Variants in ABCF1 observed in about 807,000 individuals in gnomAD.
ABCF1 encodes ATP binding cassette subfamily F member 1.
A neutral mutation model predicts 126.3 loss-of-function variants in ABCF1; 73 were observed. That is an observed-to-expected ratio of 0.58 (90% confidence interval 0.48 to 0.70). The LOEUF is 0.70. ABCF1 is among the 30% of genes least tolerant of loss of function. The pLI is 0.00. For synonymous variants in ABCF1, 345 were observed against 396.4 expected (o/e 0.87, Z 1.54); for missense variants, 786 against 1,057.5 (o/e 0.74, Z 3.56).
Position 30,583,667 on chromosome 6 carries a change from C to T in ABCF1, c.975C>T (p.Tyr325=), listed in dbSNP as rs965313691. 2.5e-6 allele frequency: 4 copies of T among 1,613,860 alleles called. No homozygotes were observed. In the African/African-American group the frequency reaches 5.3e-5, roughly 22 times the overall value. ...AGCTGTTCGTCAATGCAGACCTGTA[C>T]ATTGTAGCCGGCCGCCGCTACGGGC... ...GKELFVNADL[Y]IVAGRRYGLV... is the part of the protein sequence containing the mutation. The change falls in exon 11 of 25, where the codon TAC becomes TAT. Residue 325 remains tyrosine, a synonymous_variant. Transcript: ENST00000326195. The surrounding 1 kb of genome is among the most constrained non-coding windows in gnomAD (Gnocchi z 4.1).
In ABCF1 at chr6:30,576,677, C is replaced by T. The variant is rs572194263; in HGVS notation, c.74-732C>T. On this transcript the variant is annotated intron_variant, in intron 1 of 24. Coordinates refer to ENST00000326195, the MANE Select transcript of ABCF1 (RefSeq NM_001025091.2). ...CCACCACCCAGACTACTCTGACAGC[C>T]TCCCCAGTGGATTTCCCACTATGCT... is the stretch of plus-strand genomic sequence containing the variant. 6.6e-5 allele frequency among the ~76,000 whole-genome samples: 10 copies of T among 152,232 alleles called. No homozygotes were observed. The East Asian group carries it at 1.9e-3, about 29-fold the overall frequency.
In ABCF1 at chr6:30,583,521, A is replaced by G. The variant is rs1801938753; in HGVS notation, c.916-87A>G. On this transcript the variant is annotated intron_variant, in intron 10 of 24. Transcript: ENST00000326195. This position sits in a 1 kb window ranked among gnomAD's most constrained non-coding sequence, Gnocchi z 4.1. ...AGCGGTTTGTCAGAGGCTTCCCTGCAGGGAGAAAGTGGCCGCTCCTGTCCC... is the reference window on the plus strand; with the variant it reads ...AGCGGTTTGTCAGAGGCTTCCCTGCGGGGAGAAAGTGGCCGCTCCTGTCCC... 1.3e-5 allele frequency: 18 copies of G among 1,384,688 alleles called. No individual in the cohort carries two copies. The East Asian group carries it at 4.1e-4, about 32-fold the overall frequency. 85.8% of individuals were successfully genotyped at this position (1,384,688 alleles called of 1,614,324 possible). A position where few individuals can be genotyped will look rare whatever the true frequency, so the allele number is the denominator to read the frequency against.
In ABCF1 at chr6:30,584,038, A is replaced by AGG; in HGVS notation, c.1102+151_1103-150dup. On this transcript the variant is annotated intron_variant, in intron 12 of 24. Transcript: ENST00000326195. The surrounding 1 kb of genome is among the most constrained non-coding windows in gnomAD (Gnocchi z 4.6). ...CCGGGAAAGGGATGCTAAGGAAAGGAGGGGAGGGTCAATGAGGAACTTGAG... is the reference window on the plus strand; with the variant it reads ...CCGGGAAAGGGATGCTAAGGAAAGGAGGGGGGAGGGTCAATGAGGAACTTGAG... 1 of 1,388,504 alleles carries AGG rather than the reference A, an allele frequency of 7.2e-7. No homozygotes were observed. The allele number at this position is 1,388,504 out of a possible 1,614,324, so 86.0% of individuals were successfully genotyped here.
chr6:30,585,254 C>T lies in ABCF1; in HGVS notation c.1392-6C>T, dbSNP rs376062358. ...CTGACCCTGCCCTCTGCTACCCACC[C>T]TCTAGGGCACTGTTCATGGAGCCCA... is the stretch of plus-strand genomic sequence containing the variant. On this transcript the variant is annotated splice_region_variant and splice_polypyrimidine_tract_variant and intron_variant, in intron 14 of 24. Coordinates refer to ENST00000326195, the MANE Select transcript of ABCF1 (RefSeq NM_001025091.2). 270 of 1,612,680 alleles carry T rather than the reference C, an allele frequency of 1.7e-4. No homozygotes were observed. Among genetic ancestry groups the T allele is most frequent in the Non-Finnish European group, 2.0e-4 (233 of 1,179,500 alleles).
At chr6:30,590,477 C>G in intron 24 of ABCF1, 58 bp from the exon 25 acceptor site, 3 of 1,580,680 alleles carry the variant, frequency 1.9e-6, no homozygotes, top group Admixed American at 1.8e-5. Flanking sequence ...ATTTCATGTT[C>G]TGATTCCCCT....
At chr6:30,579,855 A>G in intron 6 of ABCF1, 76 bp from the exon 7 acceptor site, 1 of 1,455,330 alleles carries the variant, frequency 6.9e-7, no homozygotes, top group Non-Finnish European at 9.5e-7. Flanking sequence ...TAGACTCTCT[A>G]GAAATGCTTA....
At chr6:30,580,346 CAAAAAAAAA>C in intron 7 of ABCF1, 51 bp from the exon 8 acceptor site, 1 of 732,930 alleles carries the variant, frequency 1.4e-6, no homozygotes, top group Non-Finnish European at 1.8e-6. Flanking sequence ...GACTCCGTCT[CAAAAAAAAA>C]AAAAGAAAAA....
chr6:30,571,598 G>C, intron 1 of ABCF1, 38 bp downstream of exon 1: 1 of 1,590,578 alleles, frequency 6.3e-7, no homozygotes, highest in Middle Eastern at 2.3e-4. Context: ...AGCAGAGGGG[G>C]AAGAGAGAGG....
In ABCF1 at chr6:30,583,733, CA is replaced by C. The variant is rs1191040975; in HGVS notation, c.1016+31del. ...GGTGAGAAGAGGAGGGAGCTGGAGGCAAAAAAGGGCCTGGAGGGAAAAGAAG... is the reference window on the plus strand; with the variant it reads ...GGTGAGAAGAGGAGGGAGCTGGAGGCAAAAAGGGCCTGGAGGGAAAAGAAG... On this transcript the variant is annotated intron_variant, in intron 11 of 24. Transcript: ENST00000326195. The surrounding 1 kb of genome is among the most constrained non-coding windows in gnomAD (Gnocchi z 4.1). 6.2e-7 allele frequency: 1 copy of C among 1,612,010 alleles called. No individual in the cohort carries two copies. The highest frequency in any genetic ancestry group is 1.3e-5 in the African/African-American group (1 of 74,720).
chr6:30,580,161 C>G (rs560843171), intron 7 of ABCF1, among the ~76,000 whole-genome samples, 156 bp downstream of exon 7: 1 of 151,682 alleles, frequency 6.6e-6, no homozygotes, highest in Non-Finnish European at 1.5e-5. Context: ...CCTGGTAACA[C>G]GGTAAAACCC....
chr6:30,583,331 C>T lies in ABCF1; in HGVS notation c.915+143C>T. 8.2e-7 allele frequency: 1 copy of T among 1,224,714 alleles called. No homozygotes were observed. Among genetic ancestry groups the T allele is most frequent in the Non-Finnish European group, 1.1e-6 (1 of 886,570 alleles). The allele number at this position is 1,224,714 out of a possible 1,614,324, so 75.9% of individuals were successfully genotyped here. A position where few individuals can be genotyped will look rare whatever the true frequency, so the allele number is the denominator to read the frequency against. Reference sequence around the variant, plus strand: ...GCATTTTCCACACCTTAGGTTCTGCCAACTTGAGCAAGAAGATAGAAAAAC... The same window carrying T: ...GCATTTTCCACACCTTAGGTTCTGCTAACTTGAGCAAGAAGATAGAAAAAC... On this transcript the variant is annotated intron_variant, in intron 10 of 24. Coordinates refer to ENST00000326195, the MANE Select transcript of ABCF1 (RefSeq NM_001025091.2). The surrounding 1 kb of genome is among the most constrained non-coding windows in gnomAD (Gnocchi z 4.1).
chr6:30,571,560 G>A lies in ABCF1; in HGVS notation c.73G>A (p.Asp25Asn), dbSNP rs373820556. The change falls in exon 1 of 25, where the codon GAC becomes AAC. Residue 25 changes from aspartate (D) to asparagine (N), a missense_variant and splice_region_variant. Around this residue, in one of 4 missense-constraint regions of ABCF1, gnomAD observed 322 missense variants for 322.9 expected, o/e 1.00. Transcript: ENST00000326195. Reference sequence around the variant, plus strand: ...GGACGGAGAGAGCACGAGCCCATCAGGTGAGGCTGGTAGGCAAGGAAGAAA... The same window carrying A: ...GGACGGAGAGAGCACGAGCCCATCAAGTGAGGCTGGTAGGCAAGGAAGAAA... ...IGDGESTSPS[D>N]KVVKKGKKDK... 4 of 1,609,198 alleles carry A rather than the reference G, an allele frequency of 2.5e-6. No homozygotes were observed. The East Asian group carries it at 8.9e-5, about 36-fold the overall frequency.
At position 30,586,576 on chromosome 6, in the gene ABCF1, G is replaced by C. The variant is rs756374287; in HGVS notation, c.1960+28G>C. 1 of 1,613,196 alleles carries C rather than the reference G, an allele frequency of 6.2e-7. No homozygotes were observed. The highest frequency in any genetic ancestry group is 8.5e-7 in the Non-Finnish European group (1 of 1,179,854). On this transcript the variant is annotated intron_variant, in intron 19 of 24. Transcript: ENST00000326195. The surrounding 1 kb of genome is among the most constrained non-coding windows in gnomAD (Gnocchi z 4.9). ...GAGTTGGCGGGGTTGCCTCAGGGAT[G>C]TGTAGCAGGAGCCACAGGGAGAGTC...
chr6:30,586,351 A>C lies in ABCF1; in HGVS notation c.1885+46A>C, dbSNP rs775221315. On this transcript the variant is annotated intron_variant, in intron 18 of 24. Coordinates refer to ENST00000326195, the MANE Select transcript of ABCF1 (RefSeq NM_001025091.2). This position sits in a 1 kb window ranked among gnomAD's most constrained non-coding sequence, Gnocchi z 4.9. Reference sequence around the variant, plus strand: ...CTGCTCCACAGGAAGCACCGGAAGCATGTATGTGCACCCTAAATTCTCCAC... The same window carrying C: ...CTGCTCCACAGGAAGCACCGGAAGCCTGTATGTGCACCCTAAATTCTCCAC... 6.2e-7 allele frequency: 1 copy of C among 1,600,558 alleles called. No homozygotes were observed. Among genetic ancestry groups the C allele is most frequent in the South Asian group, 1.1e-5 (1 of 89,630 alleles).
Position 30,590,144 on chromosome 6 carries a change from T to A in ABCF1, c.2234-5T>A, listed in dbSNP as rs1344833866. 6.8e-6 allele frequency: 11 copies of A among 1,612,956 alleles called. No homozygotes were observed. The highest frequency in any genetic ancestry group is 5.1e-6 in the Non-Finnish European group (6 of 1,180,024). ...TGTGACAGCCCTCCCCTTCCTTTGC[T>A]ACAGGTGGTCAGAAGGCGCGAGTTG... On this transcript the variant is annotated splice_polypyrimidine_tract_variant and splice_region_variant and intron_variant, in intron 22 of 24. Transcript: ENST00000326195.
intron 2 of ABCF1, 67 bp from the exon 3 acceptor site, chr6:30,577,751 G>A: frequency 1.3e-6 from 2 of 1,494,838 alleles, no homozygotes; most frequent in Non-Finnish European, 1.9e-6. Flanking sequence ...GCCAATGTGT[G>A]GCAGAGCACA....
chr6:30,577,276 A>AAC, intron 1 of ABCF1, 133 bp from the exon 2 acceptor site: 1 of 788,468 alleles, frequency 1.3e-6, no homozygotes, highest in Non-Finnish European at 2.0e-6. Context: ...GAGACAGTAC[A>AAC]AATATTTAAG....
Position 30,574,683 on chromosome 6 carries a change from G to A in ABCF1, c.74-2726G>A, listed in dbSNP as rs1801405903. The stretch of plus-strand genomic sequence containing the variant: ...TCTCACACTAGTCACCCAATACTGG[G>A]CTCAGATTTTTTTTCTTTAACTTTT... On this transcript the variant is annotated intron_variant, in intron 1 of 24. Coordinates refer to ENST00000326195, the MANE Select transcript of ABCF1 (RefSeq NM_001025091.2). The surrounding 1 kb of genome is among the most constrained non-coding windows in gnomAD (Gnocchi z 4.3). 6.6e-6 allele frequency among the ~76,000 whole-genome samples: 1 copy of A among 152,102 alleles called. No homozygotes were observed. The highest frequency in any genetic ancestry group is 1.5e-5 in the Non-Finnish European group (1 of 68,016).
chr6:30,580,947 T>A (rs751682102), intron 8 of ABCF1, among the ~76,000 whole-genome samples: 10 of 151,944 alleles, frequency 6.6e-5, no homozygotes, highest in Admixed American at 1.3e-4. Flanking sequence ...AAATGCTGGG[T>A]TTACAGGTGT....
Sources: gnomAD v4.1 joint callset for allele counts (sites outside exome capture counted in the v4.1 genomes callset) on GRCh38, gnomAD v4.1.1 for gene constraint, gnomAD v4.1.1 regional missense constraint, Gnocchi (gnomAD v3.1) non-coding constraint, MANE v1.5 for transcripts, NCBI Gene and HGNC (gene_info 2026-07-23, HGNC 2026-07-21) for gene names.